The following NLGN4X variants were observed in gnomAD, a reference collection of about 807,000 sequenced individuals.
NLGN4X encodes neuroligin-4, X-linked.
In NLGN4X, 3 loss-of-function variants were observed where a neutral mutation model predicts 40.3. The ratio of observed to expected loss-of-function variants is 0.07; its 90% CI spans 0.03 to 0.19. The LOEUF is 0.19. NLGN4X is among the 10% of genes least tolerant of loss of function. The probability of loss-of-function intolerance (pLI) is 1.00; values close to 1 mark genes in which losing one functional copy is unlikely to be tolerated. For synonymous variants in NLGN4X, 270 were observed against 306.8 expected, an observed-to-expected ratio of 0.88 and a Z score of 1.25; for missense variants, 382 against 708.3, an observed-to-expected ratio of 0.54 and a Z score of 5.23.
chrX:6,185,485 T>C (rs1921923077), intron 1 of NLGN4X, among the ~76,000 whole-genome samples: 1 of 111,821 alleles, frequency 8.9e-6, no homozygotes, highest in Non-Finnish European at 1.9e-5. Flanking sequence ...GAGAACAACA[T>C]GCCAGCGAAA....
At chrX:6,052,187 T>G (rs1409599315) in intron 2 of NLGN4X, among the ~76,000 whole-genome samples, 1 of 110,564 alleles carries the variant, frequency 9.0e-6, no homozygotes. Flanking sequence ...CCGAGAGTCA[T>G]GCTGCCCAGC....
intron 2 of NLGN4X, among the ~76,000 whole-genome samples, chrX:6,074,294 T>C (rs941551335): frequency 1.8e-5 from 2 of 111,511 alleles, no homozygotes; most frequent in East Asian, 2.8e-4. Flanking sequence ...AAATACTCCA[T>C]GAGCAGAGTT....
intron 1 of NLGN4X, among the ~76,000 whole-genome samples, chrX:6,223,797 G>C: frequency 8.9e-6 from 1 of 112,784 alleles, no homozygotes; most frequent in Non-Finnish European, 1.9e-5. Flanking sequence ...AAAACTGGTA[G>C]CTCAGGAGTT....
rs1315889978 is a variant in NLGN4X at position 5,997,669 on chromosome X, T to C, written c.625+31611A>G. On this transcript the variant is annotated intron_variant, in intron 3 of 5. Transcript: ENST00000381095. Reference sequence around the variant, plus strand: ...ATATATATATATAATAGCCTTTCCATGTGGCAGGGACTCTTACTAGCACTG... The same window carrying C: ...ATATATATATATAATAGCCTTTCCACGTGGCAGGGACTCTTACTAGCACTG... Among the ~76,000 whole-genome samples, 5 of 106,347 alleles carry C rather than the reference T, an allele frequency of 4.7e-5. No homozygotes were observed. In the East Asian group the frequency reaches 1.5e-3, roughly 31 times the overall value. 92.3% of individuals were successfully genotyped at this position (106,347 alleles called of 115,157 possible).
intron 2 of NLGN4X, among the ~76,000 whole-genome samples, chrX:6,030,517 A>C: frequency 9.2e-6 from 1 of 109,033 alleles, no homozygotes; most frequent in Admixed American, 9.9e-5. Flanking sequence ...TTTTCCTCAT[A>C]ATCCACAGGG....
At chrX:5,964,967 T>C (rs1241849733) in intron 3 of NLGN4X, among the ~76,000 whole-genome samples, 1 of 112,271 alleles carries the variant, frequency 8.9e-6, no homozygotes, top group Non-Finnish European at 1.9e-5. Context: ...AATATGAGCT[T>C]TCCCTCCTTA....
chrX:6,102,080 G>A (rs2038920887), intron 2 of NLGN4X, among the ~76,000 whole-genome samples: 1 of 111,326 alleles, frequency 9.0e-6, no homozygotes, highest in African/African-American at 3.3e-5. Context: ...AAAGTGATGG[G>A]ATTACAGGCG....
At chrX:6,176,717 G>C (rs1356960933) in intron 1 of NLGN4X, among the ~76,000 whole-genome samples, 1 of 112,105 alleles carries the variant, frequency 8.9e-6, no homozygotes, top group Non-Finnish European at 1.9e-5. Context: ...ATCTGGAAAA[G>C]GCAGGGAAAT....
intron 3 of NLGN4X, among the ~76,000 whole-genome samples, chrX:5,965,254 T>C (rs1185234550): frequency 8.9e-6 from 1 of 111,971 alleles, no homozygotes; most frequent in Non-Finnish European, 1.9e-5. Context: ...AAACGTTTCA[T>C]CTGCACATCC....
intron 3 of NLGN4X, among the ~76,000 whole-genome samples, chrX:5,967,669 G>C (rs965801896): frequency 9.0e-6 from 1 of 111,495 alleles, no homozygotes; most frequent in Non-Finnish European, 1.9e-5. Flanking sequence ...TTTTTAATTT[G>C]CATCAGCAGT....
intron 3 of NLGN4X, among the ~76,000 whole-genome samples, chrX:5,940,694 C>A (rs2033897589): frequency 9.1e-6 from 1 of 109,751 alleles, no homozygotes; most frequent in Admixed American, 9.7e-5. Context: ...TTATTATAAC[C>A]TATCATGGTA....
At chrX:6,084,657 C>G (rs1390766283) in intron 2 of NLGN4X, among the ~76,000 whole-genome samples, 1 of 111,211 alleles carries the variant, frequency 9.0e-6, no homozygotes, top group East Asian at 2.8e-4. Context: ...TTATTAAACC[C>G]TAGTAAGACA....
At chrX:6,015,615 A>G (rs12855992) in intron 3 of NLGN4X, among the ~76,000 whole-genome samples, 15,261 of 111,145 alleles carry the variant, frequency 0.14, 894 homozygotes, top group Non-Finnish European at 0.18. Context: ...CTTACTCAGC[A>G]TTTACATTCC....
intron 3 of NLGN4X, among the ~76,000 whole-genome samples, chrX:5,951,497 G>A (rs1357312300): frequency 1.8e-5 from 2 of 110,724 alleles, no homozygotes; most frequent in African/African-American, 6.6e-5. Flanking sequence ...GGGTGTTTGT[G>A]GACATCTCCA....
At chrX:6,085,676 TG>T (rs2038480156) in intron 2 of NLGN4X, among the ~76,000 whole-genome samples, 1 of 112,582 alleles carries the variant, frequency 8.9e-6, no homozygotes, top group Non-Finnish European at 1.9e-5. Flanking sequence ...GAACTCCCAC[TG>T]TATTCCATGT....
At position 6,093,779 on chromosome X, in the gene NLGN4X, A is replaced by G. The variant is rs774018939; in HGVS notation, c.472+57216T>C. On this transcript the variant is annotated intron_variant, in intron 2 of 5. Coordinates refer to ENST00000381095, the MANE Select transcript of NLGN4X (RefSeq NM_181332.3). Reference sequence around the variant, plus strand: ...ATATTTCTACTAATATTGGATATCTATTGTAAAACAGAAAGCATTTTAAGA... The same window carrying G: ...ATATTTCTACTAATATTGGATATCTGTTGTAAAACAGAAAGCATTTTAAGA... Among the ~76,000 whole-genome samples, 231 of 112,024 alleles carry G rather than the reference A, an allele frequency of 2.1e-3. 2 individuals are homozygous for G. Among genetic ancestry groups the G allele is most frequent in the Middle Eastern group, 0.017 (3 of 173 alleles).
intron 2 of NLGN4X, among the ~76,000 whole-genome samples, chrX:6,116,093 A>G (rs979231381): frequency 1.9e-5 from 2 of 107,323 alleles, no homozygotes; most frequent in Non-Finnish European, 3.8e-5. Context: ...GGAGATGGAG[A>G]CCATCCTGGC....
In NLGN4X at chrX:6,123,138, T is replaced by C. The variant is rs199853127; in HGVS notation, c.472+27857A>G. 4.5e-5 allele frequency among the ~76,000 whole-genome samples: 5 copies of C among 111,546 alleles called. 1 individual carries two copies. The East Asian group carries it at 1.4e-3, about 31-fold the overall frequency. ...CTTAAAAGTGAAAGTACTCACAAAG[T>C]AAATAATACGTTGATTTAAAACAGA... On this transcript the variant is annotated intron_variant, in intron 2 of 5. Coordinates refer to ENST00000381095, the MANE Select transcript of NLGN4X (RefSeq NM_181332.3).
intron 2 of NLGN4X, among the ~76,000 whole-genome samples, chrX:6,056,312 T>C (rs1279411773): frequency 2.7e-5 from 3 of 110,812 alleles, no homozygotes; most frequent in East Asian, 2.9e-4. Flanking sequence ...CCCATCTCTA[T>C]TAAAAATACA....
Sources: gnomAD v4.1 joint callset for allele counts (sites outside exome capture counted in the v4.1 genomes callset) on GRCh38, gnomAD v4.1.1 for gene constraint, MANE v1.5 for transcripts, NCBI Gene and HGNC (gene_info 2026-07-23, HGNC 2026-07-21) for gene names.